Variants in CCDC15 observed in about 807,000 individuals in gnomAD.
CCDC15 encodes the protein coiled-coil domain containing 15.
CCDC15 carries 105 observed loss-of-function variants against 114.5 expected under a neutral mutation model. The observed-to-expected ratio is 0.92, with a 90% CI of 0.78 to 1.08. CCDC15 has a LOEUF of 1.08. Ranked by LOEUF, CCDC15 falls within the 50% of genes least tolerant of loss-of-function variation. The pLI is 0.00. For synonymous variants in CCDC15, 334 were observed against 377.8 expected (o/e 0.88, Z 1.34); for missense variants, 1,105 against 1,093.6 (o/e 1.01, Z -0.15).
At chr11:124,975,351 A>C (rs1947956158) in intron 5 of CCDC15, 142 bp downstream of exon 5, 2 of 460,606 alleles carry the variant, frequency 4.3e-6, no homozygotes, top group Non-Finnish European at 7.6e-6. Context: ...TGCTTGAGTA[A>C]ATTGTGACAT....
At chr11:125,011,761 T>C (rs1187613352) in intron 13 of CCDC15, among the ~76,000 whole-genome samples, 2 of 148,064 alleles carry the variant, frequency 1.4e-5, no homozygotes, top group Non-Finnish European at 3.0e-5. Flanking sequence ...AGTATTTTAA[T>C]GTCATAAGCT....
At chr11:125,003,578 G>T (rs1423072158) in intron 11 of CCDC15, among the ~76,000 whole-genome samples, 1 of 151,950 alleles carries the variant, frequency 6.6e-6, no homozygotes, top group Non-Finnish European at 1.5e-5. Context: ...GTGATTTCAA[G>T]TGACCACTTT....
At chr11:124,985,368 C>A (rs1302037014) in intron 6 of CCDC15, among the ~76,000 whole-genome samples, 1 of 152,176 alleles carries the variant, frequency 6.6e-6, no homozygotes, top group Non-Finnish European at 1.5e-5. Flanking sequence ...ACATTCATTT[C>A]TAGGAGTGAA....
chr11:125,015,244 A>C (rs1948620716), intron 13 of CCDC15, among the ~76,000 whole-genome samples: 1 of 152,160 alleles, frequency 6.6e-6, no homozygotes, highest in Non-Finnish European at 1.5e-5. Context: ...CATAGGAATA[A>C]GTGCAAAATC....
intron 13 of CCDC15, among the ~76,000 whole-genome samples, chr11:125,031,203 C>T (rs1248323832): frequency 2.6e-5 from 4 of 152,228 alleles, no homozygotes; most frequent in Non-Finnish European, 5.9e-5. Context: ...TGGAAAGGGA[C>T]TGAAATGCTG....
At chr11:124,993,777 C>T (rs1948312083) in intron 11 of CCDC15, among the ~76,000 whole-genome samples, 1 of 152,012 alleles carries the variant, frequency 6.6e-6, no homozygotes, top group Admixed American at 6.6e-5. Flanking sequence ...ATGATGATCA[C>T]GTTATCTGTT....
intron 13 of CCDC15, among the ~76,000 whole-genome samples, chr11:125,007,420 T>C (rs1948560536): frequency 6.6e-6 from 1 of 152,216 alleles, no homozygotes; most frequent in Non-Finnish European, 1.5e-5. Context: ...TTTCATTCTT[T>C]TTATGGCCGA....
chr11:124,980,350 G>C (rs543234807), intron 6 of CCDC15, among the ~76,000 whole-genome samples: 1 of 152,284 alleles, frequency 6.6e-6, no homozygotes, highest in East Asian at 1.9e-4. Flanking sequence ...AATGATACCA[G>C]TTCTTCTTTA....
chr11:125,026,694 G>A (rs529455389), intron 13 of CCDC15, among the ~76,000 whole-genome samples: 35 of 151,950 alleles, frequency 2.3e-4, no homozygotes, highest in Non-Finnish European at 2.8e-4. Context: ...CCAGCCCCTG[G>A]TACCATTTTA....
chr11:124,986,806 A>T lies in CCDC15; in HGVS notation c.818A>T (p.Lys273Ile), dbSNP rs373335617. 9 of 1,553,502 alleles carry T rather than the reference A, an allele frequency of 5.8e-6. No individual in the cohort carries two copies. The African/African-American group carries it at 1.2e-4, about 21-fold the overall frequency. The change falls in exon 7 of 16, where the codon AAA (lysine) becomes ATA (isoleucine). Residue 273 changes from lysine to isoleucine, a missense_variant. Transcript: ENST00000344762. ...TCTCTTGTAACTGATGAGAAAGGGA[A>T]AGAAGATTTGTTTGGGAGAGGCCAG... ...SSSLVTDEKG[K>I]EDLFGRGQQD...
At chr11:124,983,403 T>C (rs1188575785) in intron 6 of CCDC15, among the ~76,000 whole-genome samples, 1 of 152,166 alleles carries the variant, frequency 6.6e-6, no homozygotes, top group African/African-American at 2.4e-5. Flanking sequence ...GTTCTTATGT[T>C]TGTGGGCTGT....
chr11:125,006,924 G>A (rs1948556945), intron 13 of CCDC15, among the ~76,000 whole-genome samples: 1 of 151,912 alleles, frequency 6.6e-6, no homozygotes, highest in African/African-American at 2.4e-5. Flanking sequence ...TTTGATTATT[G>A]TAGCTTTACT....
chr11:124,977,204 A>T (rs1222788139), intron 5 of CCDC15, among the ~76,000 whole-genome samples: 1 of 152,172 alleles, frequency 6.6e-6, no homozygotes, highest in Non-Finnish European at 1.5e-5. Context: ...GCCAAGACTA[A>T]AATCATGAGT....
chr11:125,039,895 C>T (rs1313280830), intron 15 of CCDC15, among the ~76,000 whole-genome samples: 1 of 152,164 alleles, frequency 6.6e-6, no homozygotes, highest in Non-Finnish European at 1.5e-5. Context: ...ACTCAGTTCT[C>T]TGTGTTCTTT....
intron 13 of CCDC15, among the ~76,000 whole-genome samples, chr11:125,019,630 T>C (rs1948649395): frequency 6.6e-6 from 1 of 151,942 alleles, no homozygotes; most frequent in South Asian, 2.1e-4. Context: ...AGAGACTTGA[T>C]AGGATTTTGT....
intron 6 of CCDC15, among the ~76,000 whole-genome samples, chr11:124,980,048 T>G (rs1013955126): frequency 5.3e-5 from 8 of 152,162 alleles, no homozygotes; most frequent in African/African-American, 1.9e-4. Flanking sequence ...GGTTTTTGTT[T>G]TTAGTTCTGT....
rs759789184 is a variant in CCDC15, at chr11:124,975,152, TA to T, written c.581del (p.Lys194ArgfsTer29). 3.0e-5 allele frequency: 48 copies of T among 1,599,672 alleles called. No homozygotes were observed. The highest frequency in any genetic ancestry group is 1.6e-4 in the Admixed American group (9 of 57,420). ...GGCTAGCATCCTTTAAAACCGTGAT[TA>T]AAAAAAAGGGATCAGTGTTTCCAGA... ...HRLASFKTVI[K>X]KKGSVFPDDG... On this transcript the variant is annotated frameshift_variant, in exon 5 of 16. Transcript: ENST00000344762. LOFTEE classifies it high-confidence loss of function.
In CCDC15 at chr11:124,956,443, G is replaced by GA. The variant is rs1013536953; in HGVS notation, c.177+1544dup. 1.1e-3 allele frequency among the ~76,000 whole-genome samples: 154 copies of GA among 145,838 alleles called. 1 individual carries two copies. The highest frequency in any genetic ancestry group is 4.4e-3 in the East Asian group (22 of 5,038). On this transcript the variant is annotated intron_variant, in intron 2 of 15. Coordinates refer to ENST00000344762, the MANE Select transcript of CCDC15 (RefSeq NM_025004.3). Reference sequence around the variant, plus strand: ...GCAATAGAGTGAGACCCCATCTCTGGAAAAAAAAAAGGAGTGGAATGAGAA... The same window carrying GA: ...GCAATAGAGTGAGACCCCATCTCTGGAAAAAAAAAAAGGAGTGGAATGAGAA...
intron 13 of CCDC15, among the ~76,000 whole-genome samples, chr11:125,022,510 C>T (rs1040094490): frequency 6.6e-6 from 1 of 151,902 alleles, no homozygotes; most frequent in African/African-American, 2.4e-5. Flanking sequence ...TAGAGATGGC[C>T]AGTGAGTAGC....
Sources: gnomAD v4.1 joint callset for allele counts (sites outside exome capture counted in the v4.1 genomes callset) on GRCh38, gnomAD v4.1.1 for gene constraint, MANE v1.5 for transcripts, NCBI Gene and HGNC (gene_info 2026-07-23, HGNC 2026-07-21) for gene names.